NPAS3: variants seen among roughly 807,000 people sequenced by gnomAD.
NPAS3 encodes neuronal PAS domain-containing protein 3.
Under a neutral mutation model 73.1 loss-of-function variants are expected in NPAS3, and 14 were observed. The ratio of observed to expected loss-of-function variants is 0.19; its 90% CI spans 0.13 to 0.30. NPAS3 has a LOEUF of 0.30. NPAS3 is among the 10% of genes least tolerant of loss of function. The probability of loss-of-function intolerance (pLI) is 1.00; values close to 1 mark genes in which losing one functional copy is unlikely to be tolerated. For missense variants in NPAS3, 1,096 were observed against 1,250.0 expected (o/e 0.88, Z 1.86); for synonymous variants, 620 against 541.5 (o/e 1.14, Z -2.01).
At chr14:33,747,186 C>T (rs957557531) in intron 7 of NPAS3, among the ~76,000 whole-genome samples, 1 of 151,998 alleles carries the variant, frequency 6.6e-6, no homozygotes, top group African/African-American at 2.4e-5. Context: ...TTGGAACCAA[C>T]CCAAATGTCC....
chr14:33,684,807 T>G (rs1413035209), intron 6 of NPAS3, among the ~76,000 whole-genome samples: 2 of 152,148 alleles, frequency 1.3e-5, no homozygotes, highest in Admixed American at 6.5e-5. Context: ...GTGCAGTTTC[T>G]CCAGGCTCCT....
At chr14:32,974,018 G>C (rs2139339381) in intron 1 of NPAS3, among the ~76,000 whole-genome samples, 1 of 152,270 alleles carries the variant, frequency 6.6e-6, no homozygotes, top group Admixed American at 6.5e-5. Flanking sequence ...ATGGATTTCT[G>C]TTCCTTTGAT....
chr14:33,550,056 C>G (rs1440940943), intron 4 of NPAS3, among the ~76,000 whole-genome samples: 3 of 152,150 alleles, frequency 2.0e-5, no homozygotes, highest in Non-Finnish European at 4.4e-5. Flanking sequence ...CTAAATCATT[C>G]CACAAGATTA....
At chr14:33,536,637 G>T (rs771912499) in intron 4 of NPAS3, among the ~76,000 whole-genome samples, 9 of 151,374 alleles carry the variant, frequency 5.9e-5, no homozygotes, top group Non-Finnish European at 8.8e-5. Context: ...ATTTGGAGAT[G>T]TTGCCCATTT....
At chr14:33,777,132 G>T (rs2062845274) in intron 8 of NPAS3, among the ~76,000 whole-genome samples, 1 of 152,176 alleles carries the variant, frequency 6.6e-6, no homozygotes, top group Non-Finnish European at 1.5e-5. Context: ...TGCTTTCAGA[G>T]GAGCTGGCAA....
At chr14:33,199,023 G>A (rs1377935721) in intron 2 of NPAS3, among the ~76,000 whole-genome samples, 2 of 152,158 alleles carry the variant, frequency 1.3e-5, no homozygotes, top group Non-Finnish European at 2.9e-5. Context: ...CCGGCCTGCT[G>A]GCCGCTCCAA....
At chr14:33,172,968 CAGAT>C (rs375512320) in intron 2 of NPAS3, among the ~76,000 whole-genome samples, 126 of 152,180 alleles carry the variant, frequency 8.3e-4, no homozygotes, top group African/African-American at 2.6e-3. Flanking sequence ...ATTTTCCTAA[CAGAT>C]AGGAACATAT....
At chr14:33,681,477 G>A (rs1049721364) in intron 6 of NPAS3, among the ~76,000 whole-genome samples, 7 of 152,146 alleles carry the variant, frequency 4.6e-5, no homozygotes, top group African/African-American at 1.7e-4. Flanking sequence ...TAATATTAGC[G>A]CTGGCCAAGG....
chr14:33,409,679 G>A (rs909196382), intron 4 of NPAS3, among the ~76,000 whole-genome samples: 2 of 152,188 alleles, frequency 1.3e-5, no homozygotes, highest in African/African-American at 4.8e-5. Context: ...TCATTCATTA[G>A]CTATGATTCC....
At chr14:33,072,241 A>G (rs2041510896) in intron 2 of NPAS3, among the ~76,000 whole-genome samples, 1 of 152,208 alleles carries the variant, frequency 6.6e-6, no homozygotes, top group African/African-American at 2.4e-5. Context: ...AACGGTGGCA[A>G]ATAGCAATAT....
chr14:33,383,984 T>TA (rs1003486489), intron 4 of NPAS3, among the ~76,000 whole-genome samples: 1 of 152,120 alleles, frequency 6.6e-6, no homozygotes, highest in Non-Finnish European at 1.5e-5. Flanking sequence ...AATATAAAAA[T>TA]AAAAAACTTT....
At chr14:33,337,861 A>G (rs769937241) in intron 3 of NPAS3, among the ~76,000 whole-genome samples, 39 of 152,096 alleles carry the variant, frequency 2.6e-4, no homozygotes, top group Non-Finnish European at 4.6e-4. Flanking sequence ...AATAGAATTT[A>G]ATTTTCAAAT....
chr14:33,191,760 C>G lies in NPAS3; in HGVS notation c.141-23422C>G, dbSNP rs181255704. Among the ~76,000 whole-genome samples the G allele has an allele frequency of 3.9e-5, 6 of 152,314 alleles. No individual in the cohort carries two copies. The East Asian group carries it at 1.2e-3, about 29-fold the overall frequency. Reference sequence around the variant, plus strand: ...ACTCCATAGCAAAACTACCAGTGTTCTCAATTTTGTAGCTAGAGATACTTA... The same window carrying G: ...ACTCCATAGCAAAACTACCAGTGTTGTCAATTTTGTAGCTAGAGATACTTA... On this transcript the variant is annotated intron_variant, in intron 2 of 11. Transcript: ENST00000356141.
intron 5 of NPAS3, among the ~76,000 whole-genome samples, chr14:33,605,876 A>C (rs529371847): frequency 6.6e-6 from 1 of 152,238 alleles, no homozygotes; most frequent in East Asian, 1.9e-4. Context: ...CTGATTCTAA[A>C]ATTCACAGGG....
rs538134181 is a variant in NPAS3, at chr14:33,387,743, A to G, written c.468+20475A>G. 2.3e-3 allele frequency among the ~76,000 whole-genome samples: 351 copies of G among 152,276 alleles called. 2 individuals are homozygous for G. Among genetic ancestry groups the G allele is most frequent in the Non-Finnish European group, 4.1e-3 (282 of 68,022 alleles). ...ATCACAAGGGCCTCTCAGTGAAATAATGGTTTGTTTATTATGCCCTAAATT... is the reference window on the plus strand; with the variant it reads ...ATCACAAGGGCCTCTCAGTGAAATAGTGGTTTGTTTATTATGCCCTAAATT... On this transcript the variant is annotated intron_variant, in intron 4 of 11. Coordinates refer to ENST00000356141, the Ensembl canonical transcript of NPAS3.
chr14:33,016,040 T>A (rs145823121), intron 1 of NPAS3, among the ~76,000 whole-genome samples: 223 of 152,134 alleles, frequency 1.5e-3, no homozygotes, highest in Non-Finnish European at 2.5e-3. Flanking sequence ...TATAGTAATG[T>A]CAGGGAATTT....
At chr14:33,802,819 A>C (rs751633917), downstream of NPAS3, 1 of 151,676 alleles carries the variant, frequency 6.6e-6, no homozygotes, top group Non-Finnish European at 1.5e-5. Flanking sequence ...CTTCCGTTTT[A>C]CCTTTTAAAA....
intron 2 of NPAS3, among the ~76,000 whole-genome samples, chr14:33,102,926 GT>G (rs980758179): frequency 3.3e-5 from 5 of 152,210 alleles, no homozygotes; most frequent in East Asian, 1.9e-4. Context: ...TAACACAAGG[GT>G]TTTTTTGCAT....
At chr14:33,191,416 A>AATAATT (rs762332700) in intron 2 of NPAS3, among the ~76,000 whole-genome samples, 1 of 152,158 alleles carries the variant, frequency 6.6e-6, no homozygotes, top group Admixed American at 6.5e-5. Flanking sequence ...GAAGCAACTA[A>AATAATT]ATAATTATAA....
Sources: gnomAD v4.1 joint callset for allele counts (sites outside exome capture counted in the v4.1 genomes callset) on GRCh38, gnomAD v4.1.1 for gene constraint, MANE v1.5 for transcripts, NCBI Gene and HGNC (gene_info 2026-07-23, HGNC 2026-07-21) for gene names.